Variants in RAPGEF2 observed in about 807,000 individuals in gnomAD.
The protein encoded by RAPGEF2 is Rap guanine nucleotide exchange factor 2.
Under a neutral mutation model 186.7 loss-of-function variants are expected in RAPGEF2, and 54 were observed. The observed-to-expected ratio is 0.29, with a 90% CI of 0.23 to 0.36. RAPGEF2 has a LOEUF of 0.36. Among genes scored for constraint, RAPGEF2 ranks in the 10% least tolerant of loss-of-function variants. The pLI, the probability that RAPGEF2 is intolerant of heterozygous loss-of-function variation, is 1.00. For synonymous variants in RAPGEF2, 712 were observed against 705.9 expected (o/e 1.01, Z -0.14); for missense variants, 1,532 against 2,045.0 (o/e 0.75, Z 4.84).
chr4:159,291,814 A>C (rs1013908358), intron 7 of RAPGEF2, among the ~76,000 whole-genome samples: 1 of 151,936 alleles, frequency 6.6e-6, no homozygotes, highest in African/African-American at 2.4e-5. Flanking sequence ...TCTTGATGTA[A>C]GTTGTAATGA....
At chr4:159,150,579 A>C (rs1010146944) in intron 1 of RAPGEF2, among the ~76,000 whole-genome samples, 2 of 152,200 alleles carry the variant, frequency 1.3e-5, no homozygotes, top group African/African-American at 2.4e-5. Context: ...CTAATGTACC[A>C]TGAAGAGAAA....
At chr4:159,107,774 T>C (rs1438993993) in intron 1 of RAPGEF2, among the ~76,000 whole-genome samples, 1 of 152,344 alleles carries the variant, frequency 6.6e-6, no homozygotes, top group Non-Finnish European at 1.5e-5. Flanking sequence ...CTGTAAATTA[T>C]GAGAAACGGC....
intron 1 of RAPGEF2, among the ~76,000 whole-genome samples, chr4:159,151,677 AGGGT>A (rs1460089459): frequency 6.6e-6 from 1 of 152,164 alleles, no homozygotes; most frequent in Non-Finnish European, 1.5e-5. Context: ...GTTAGAGAGT[AGGGT>A]GCTTGGGGAA....
intron 1 of RAPGEF2, among the ~76,000 whole-genome samples, chr4:159,131,519 A>ATT (rs35670450): frequency 7.5e-4 from 28 of 37,182 alleles, no homozygotes; most frequent in Admixed American, 2.4e-3. Flanking sequence ...ATTAATTGCT[A>ATT]TTTTTTTTTT....
intron 11 of RAPGEF2, chr4:159,329,574 A>T (rs1004770551): frequency 3.8e-5 from 7 of 184,414 alleles, no homozygotes; most frequent in African/African-American, 1.4e-4. Context: ...TGAAAGAAGC[A>T]TGAAAAAGCT....
intron 1 of RAPGEF2, among the ~76,000 whole-genome samples, chr4:159,134,618 T>C (rs771356270): frequency 2.0e-5 from 3 of 152,262 alleles, no homozygotes; most frequent in Non-Finnish European, 4.4e-5. Context: ...GTTTCAGTTC[T>C]GCATCCTCGT....
rs535614722 is a variant in RAPGEF2 at position 159,183,135 on chromosome 4, A to C, written c.70-3507A>C. On this transcript the variant is annotated intron_variant, in intron 1 of 29. Transcript: ENST00000691494. The stretch of plus-strand genomic sequence containing the variant: ...CAGAAAAATCTCTTGTGAAAGGTAG[A>C]ACAAGGCTGGAACACTCACAATTCA... 2.6e-5 allele frequency among the ~76,000 whole-genome samples: 4 copies of C among 152,350 alleles called. No homozygotes were observed. In the South Asian group the frequency reaches 8.3e-4, roughly 32 times the overall value.
chr4:159,254,689 A>ACCC (rs1319438121), intron 7 of RAPGEF2, among the ~76,000 whole-genome samples: 1 of 150,706 alleles, frequency 6.6e-6, no homozygotes, highest in Admixed American at 6.6e-5. Context: ...GCTCACTGCA[A>ACCC]CCCCTGTCTT....
chr4:159,128,916 TGG>T (rs35985790), intron 1 of RAPGEF2: 32,785 of 137,800 alleles, frequency 0.24, 4,226 homozygotes, highest in African/African-American at 0.31. Flanking sequence ...TATATACATA[TGG>T]GGGGTGTGTG....
At chr4:159,104,540 G>GAGAGAGAGAGAGAGAGAGAGAC (rs1737635215) in intron 1 of RAPGEF2, among the ~76,000 whole-genome samples, 1 of 128,166 alleles carries the variant, frequency 7.8e-6, no homozygotes, top group African/African-American at 3.4e-5. Flanking sequence ...GAGACAGAGA[G>GAGAGAGAGAGAGAGAGAGAGAC]AGAGAGAGAG....
intron 1 of RAPGEF2, among the ~76,000 whole-genome samples, chr4:159,145,132 C>T (rs1419009041): frequency 6.6e-6 from 1 of 151,958 alleles, no homozygotes; most frequent in Non-Finnish European, 1.5e-5. Context: ...CTGCCCGCCT[C>T]AGCTTCCCAA....
intron 7 of RAPGEF2, among the ~76,000 whole-genome samples, chr4:159,296,028 TAAA>T (rs1382667152): frequency 6.7e-6 from 1 of 150,070 alleles, no homozygotes; most frequent in Non-Finnish European, 1.5e-5. Context: ...ATAAGGGAGT[TAAA>T]GAAGTTTTAC....
intron 1 of RAPGEF2, among the ~76,000 whole-genome samples, chr4:159,183,805 A>T (rs1277623874): frequency 6.6e-6 from 1 of 152,128 alleles, no homozygotes; most frequent in Non-Finnish European, 1.5e-5. Flanking sequence ...GGTTTGTTAC[A>T]TGTGTATACA....
chr4:159,104,644 G>T (rs1471583772), intron 1 of RAPGEF2, among the ~76,000 whole-genome samples: 1 of 151,962 alleles, frequency 6.6e-6, no homozygotes, highest in Non-Finnish European at 1.5e-5. Flanking sequence ...AATCTCAGGG[G>T]ATGGAGTCTC....
At position 159,339,130 on chromosome 4, in the gene RAPGEF2, G is replaced by A. The variant is rs2111249209; in HGVS notation, c.2310G>A (p.Val770=). Residue 770 remains valine (V), a synonymous_variant, in exon 19 of 30, where the codon GTG becomes GTA. Transcript: ENST00000691494. ...TTCCCCCAGACTTGCCAGATCAAGTGCTAAGGGTTTTTAAGGCTGATCAGC... is the reference window on the plus strand; with the variant it reads ...TTCCCCCAGACTTGCCAGATCAAGTACTAAGGGTTTTTAAGGCTGATCAGC... The part of the protein sequence containing the change: ...FSATPDLPDQ[V]LRVFKADQQS... The A allele has an allele frequency of 1.9e-6, 3 of 1,614,010 alleles. No homozygotes were observed. Among genetic ancestry groups the A allele is most frequent in the East Asian group, 4.5e-5 (2 of 44,884 alleles).
chr4:159,230,469 T>G (rs1268620098), intron 4 of RAPGEF2, among the ~76,000 whole-genome samples: 1 of 152,164 alleles, frequency 6.6e-6, no homozygotes, highest in Admixed American at 6.5e-5. Flanking sequence ...GTAGAAAAGG[T>G]AAGCTATATA....
rs190664277 is a variant in RAPGEF2, at chr4:159,304,018, T to A, written c.544-324T>A. Among the ~76,000 whole-genome samples the A allele has an allele frequency of 7.4e-4, 113 of 152,322 alleles. 3 individuals carry two copies. In the East Asian group the frequency reaches 0.015, roughly 21 times the overall value. The stretch of plus-strand genomic sequence containing the variant: ...ATTTGTGATGGCTAATAAATAGTAC[T>A]GTAGCCTAATTTGCTCATTGACGTG... On this transcript the variant is annotated intron_variant, in intron 7 of 29. Coordinates refer to ENST00000691494, the MANE Select transcript of RAPGEF2 (RefSeq NM_001394067.2).
At chr4:159,326,050 TA>T (rs1172493252) in intron 11 of RAPGEF2, among the ~76,000 whole-genome samples, 1 of 152,170 alleles carries the variant, frequency 6.6e-6, no homozygotes, top group Non-Finnish European at 1.5e-5. Flanking sequence ...CACACCACTG[TA>T]AAAGGAATAT....
chr4:159,240,331 CTTTTT>C (rs370477370), intron 5 of RAPGEF2, among the ~76,000 whole-genome samples: 7 of 77,608 alleles, frequency 9.0e-5, no homozygotes, highest in South Asian at 4.7e-4. Flanking sequence ...AGCATTTCTA[CTTTTT>C]TTTTTTTTTT....
Sources: allele counts gnomAD v4.1 joint callset (sites outside exome capture counted in the v4.1 genomes callset), GRCh38; gene constraint gnomAD v4.1.1; transcripts MANE v1.5; gene names NCBI Gene and HGNC (gene_info 2026-07-23, HGNC 2026-07-21).